The following TLE4 variants were observed in gnomAD, a reference collection of about 807,000 sequenced individuals.
The protein encoded by TLE4 is transducin-like enhancer protein 4.
TLE4 carries 8 observed loss-of-function variants against 92.8 expected under a neutral mutation model. That is an observed-to-expected ratio of 0.09 (90% CI 0.05 to 0.16). TLE4 has a LOEUF of 0.16. TLE4 is among the 10% of genes least tolerant of loss of function. TLE4 has a pLI of 1.00. For missense variants in TLE4, 675 were observed against 997.6 expected (o/e 0.68, Z 4.36); for synonymous variants, 371 against 374.1 (o/e 0.99, Z 0.10).
chr9:79,665,107 A>G (rs762233936), intron 8 of TLE4, among the ~76,000 whole-genome samples: 4 of 152,172 alleles, frequency 2.6e-5, no homozygotes, highest in African/African-American at 4.8e-5. Flanking sequence ...TCAATTCTGT[A>G]TATGTTTTCC....
At chr9:79,683,361 A>G (rs959079949) in intron 8 of TLE4, among the ~76,000 whole-genome samples, 1 of 152,224 alleles carries the variant, frequency 6.6e-6, no homozygotes, top group African/African-American at 2.4e-5. Context: ...ACACAGGAAG[A>G]AACTCTTAGG....
chr9:79,691,373 T>G (rs919696079), intron 8 of TLE4, among the ~76,000 whole-genome samples: 2 of 152,226 alleles, frequency 1.3e-5, no homozygotes, highest in Non-Finnish European at 2.9e-5. Context: ...AGTGTTGTTT[T>G]TAATTGCAAA....
At chr9:79,699,859 A>G (rs1269828595) in intron 8 of TLE4, among the ~76,000 whole-genome samples, 3 of 152,182 alleles carry the variant, frequency 2.0e-5, no homozygotes, top group Admixed American at 2.0e-4. Flanking sequence ...CCTTATCGTG[A>G]TTGTTGAAAG....
intron 8 of TLE4, among the ~76,000 whole-genome samples, chr9:79,681,535 T>C (rs1425843873): frequency 6.6e-6 from 1 of 152,146 alleles, no homozygotes; most frequent in Non-Finnish European, 1.5e-5. Context: ...GCTTTCATGT[T>C]ACTGGGTGTT....
intron 7 of TLE4, among the ~76,000 whole-genome samples, chr9:79,653,569 T>C (rs1242477535): frequency 6.6e-6 from 1 of 152,206 alleles, no homozygotes; most frequent in Non-Finnish European, 1.5e-5. Context: ...GCATTCCTTT[T>C]TGGGAATTTA....
At chr9:79,614,924 A>T (rs1490042801) in intron 5 of TLE4, among the ~76,000 whole-genome samples, 1 of 152,074 alleles carries the variant, frequency 6.6e-6, no homozygotes, top group African/African-American at 2.4e-5. Context: ...GACACCCGTG[A>T]TCTATGCCAT....
chr9:79,723,109 T>C (rs1374298951), intron 19 of TLE4, 74 bp downstream of exon 19: 5 of 1,403,320 alleles, frequency 3.6e-6, no homozygotes, highest in Middle Eastern at 1.8e-4. Flanking sequence ...AGATTAATAA[T>C]GTGCAGAAGT....
chr9:79,708,914 C>G, intron 13 of TLE4, 128 bp downstream of exon 13: 3 of 1,145,562 alleles, frequency 2.6e-6, no homozygotes, highest in South Asian at 1.7e-5. Context: ...TCACTGCAGC[C>G]TCTGCCTCCT....
At chr9:79,598,721 C>T (rs1042572375) in intron 4 of TLE4, among the ~76,000 whole-genome samples, 4 of 152,106 alleles carry the variant, frequency 2.6e-5, no homozygotes, top group African/African-American at 9.7e-5. Context: ...TTACTCTCTC[C>T]CCAAAGCCAG....
chr9:79,666,428 G>C (rs1055688782), intron 8 of TLE4, among the ~76,000 whole-genome samples: 2 of 151,976 alleles, frequency 1.3e-5, no homozygotes, highest in Non-Finnish European at 2.9e-5. Flanking sequence ...TAGTAAAGAT[G>C]TGGTTTCACC....
intron 4 of TLE4, among the ~76,000 whole-genome samples, chr9:79,583,659 G>A (rs889375590): frequency 6.6e-6 from 1 of 151,794 alleles, no homozygotes; most frequent in Non-Finnish European, 1.5e-5. Context: ...TTGTAATTTG[G>A]GTTCTGTCCT....
intron 8 of TLE4, among the ~76,000 whole-genome samples, chr9:79,667,518 A>G (rs1283535393): frequency 6.6e-6 from 1 of 152,214 alleles, no homozygotes; most frequent in Non-Finnish European, 1.5e-5. Flanking sequence ...ACATATATAT[A>G]TGTATATAAA....
In TLE4 at chr9:79,708,637, A is replaced by C. The variant is rs567521583; in HGVS notation, c.1114A>C (p.Thr372Pro). The change falls in exon 13 of 20, where the codon ACT (threonine) becomes CCT (proline). Residue 372 changes from threonine (T) to proline (P), a missense_variant. Transcript: ENST00000376552. Reference sequence around the variant, plus strand: ...AATGGCAGTACCTTGTCCATATCCAACTCCATTTGGGATTGTGCCCCATGC... The same window carrying C: ...AATGGCAGTACCTTGTCCATATCCACCTCCATTTGGGATTGTGCCCCATGC... ...TPMAVPCPYP[T>P]PFGIVPHAGM... 2.5e-6 allele frequency: 4 copies of C among 1,613,772 alleles called. No individual in the cohort carries two copies. Among genetic ancestry groups the C allele is most frequent in the Non-Finnish European group, 3.4e-6 (4 of 1,180,000 alleles).
At chr9:79,691,961 C>T (rs1271284093) in intron 8 of TLE4, among the ~76,000 whole-genome samples, 1 of 152,208 alleles carries the variant, frequency 6.6e-6, no homozygotes, top group Non-Finnish European at 1.5e-5. Context: ...CATTCGCCCT[C>T]TTAATTGTAT....
At chr9:79,657,647 G>A (rs1294433153) in intron 8 of TLE4, among the ~76,000 whole-genome samples, 1 of 152,156 alleles carries the variant, frequency 6.6e-6, no homozygotes, top group Non-Finnish European at 1.5e-5. Context: ...TGACTGAAAT[G>A]AGGGTAATGA....
chr9:79,645,933 A>C (rs2058039692), intron 6 of TLE4, among the ~76,000 whole-genome samples: 1 of 152,136 alleles, frequency 6.6e-6, no homozygotes, highest in Non-Finnish European at 1.5e-5. Flanking sequence ...GGATAGTGAG[A>C]AGAATTTTGC....
Position 79,666,225 on chromosome 9 carries a change from T to TG in TLE4, c.609+12150_609+12151insG, listed in dbSNP as rs1564761280. Reference sequence around the variant, plus strand: ...TGGGGTTTTTTTTTTTTGTTTTTTTTTTTTTTTTTTTTTTGAGAAGGAGTC... The same window carrying TG: ...TGGGGTTTTTTTTTTTTGTTTTTTTTGTTTTTTTTTTTTTTGAGAAGGAGTC... On this transcript the variant is annotated intron_variant, in intron 8 of 19. Transcript: ENST00000376552. Among the ~76,000 whole-genome samples, 396 of 111,642 alleles carry TG rather than the reference T, an allele frequency of 3.5e-3. 8 individuals carry two copies. Among genetic ancestry groups the TG allele is most frequent in the Middle Eastern group, 9.1e-3 (2 of 220 alleles). 73.2% of individuals were successfully genotyped at this position (111,642 alleles called of 152,430 possible).
chr9:79,722,276 T>C (rs2075775403), intron 17 of TLE4, among the ~76,000 whole-genome samples, 175 bp from the exon 18 acceptor site: 1 of 152,258 alleles, frequency 6.6e-6, no homozygotes, highest in Non-Finnish European at 1.5e-5. Flanking sequence ...GATTAACCAC[T>C]TTGAAGTCTC....
intron 4 of TLE4, among the ~76,000 whole-genome samples, chr9:79,590,933 C>T (rs1383741160): frequency 1.3e-5 from 2 of 152,150 alleles, no homozygotes; most frequent in African/African-American, 4.8e-5. Flanking sequence ...GTAACTTAAT[C>T]TTCATGAGAT....
Sources: gnomAD v4.1 joint callset for allele counts (sites outside exome capture counted in the v4.1 genomes callset) on GRCh38, gnomAD v4.1.1 for gene constraint, MANE v1.5 for transcripts, NCBI Gene and HGNC (gene_info 2026-07-23, HGNC 2026-07-21) for gene names.